Variants in RFX4 observed in about 807,000 individuals in gnomAD.
RFX4 encodes transcription factor RFX4.
In RFX4, 10 loss-of-function variants were observed where a neutral mutation model predicts 95.0. The observed-to-expected ratio is 0.11, with a 90% CI of 0.06 to 0.18. The LOEUF is 0.18. Among genes scored for constraint, RFX4 ranks in the 10% least tolerant of loss-of-function variants. The probability of loss-of-function intolerance (pLI) is 1.00; values close to 1 mark genes in which losing one functional copy is unlikely to be tolerated. For missense variants in RFX4, 640 were observed against 922.0 expected (o/e 0.69, Z 3.96); for synonymous variants, 321 against 340.7 (o/e 0.94, Z 0.64).
At chr12:106,616,011 T>A (rs544391216) in intron 2 of RFX4, among the ~76,000 whole-genome samples, 1 of 152,350 alleles carries the variant, frequency 6.6e-6, no homozygotes, top group East Asian at 1.9e-4. Flanking sequence ...GGTGATGTGG[T>A]GATAGTGGAC....
At chr12:106,627,276 G>A (rs1322048512) in intron 2 of RFX4, among the ~76,000 whole-genome samples, 1 of 152,174 alleles carries the variant, frequency 6.6e-6, no homozygotes, top group Non-Finnish European at 1.5e-5. Flanking sequence ...AGTGGCTCAT[G>A]CCTGTAATCC....
intron 2 of RFX4, among the ~76,000 whole-genome samples, chr12:106,620,719 G>C (rs1242436799): frequency 6.6e-6 from 1 of 151,992 alleles, no homozygotes; most frequent in Admixed American, 6.6e-5. Context: ...AATTTACCAG[G>C]GTGGAGTTTT....
intron 8 of RFX4, among the ~76,000 whole-genome samples, chr12:106,700,684 G>T (rs2041971802): frequency 6.6e-6 from 1 of 151,710 alleles, no homozygotes; most frequent in African/African-American, 2.4e-5. Context: ...GGGATTACAG[G>T]CGTGAGCCAC....
intron 1 of RFX4, among the ~76,000 whole-genome samples, chr12:106,595,414 T>C (rs1027738678): frequency 2.0e-5 from 3 of 152,216 alleles, no homozygotes; most frequent in African/African-American, 7.2e-5. Context: ...CTTTGGAGTG[T>C]ACTGTCGTGG....
At chr12:106,625,293 T>C (rs1316947900) in intron 2 of RFX4, among the ~76,000 whole-genome samples, 1 of 152,180 alleles carries the variant, frequency 6.6e-6, no homozygotes, top group Non-Finnish European at 1.5e-5. Flanking sequence ...AGAGATTCAG[T>C]AAGCGTGAGG....
At chr12:106,757,420 T>C (rs1289456396) in intron 17 of RFX4, among the ~76,000 whole-genome samples, 1 of 152,072 alleles carries the variant, frequency 6.6e-6, no homozygotes, top group East Asian at 1.9e-4. Flanking sequence ...TGGTGGCACA[T>C]ACCTGTAGTC....
intron 3 of RFX4, among the ~76,000 whole-genome samples, chr12:106,647,527 A>G (rs2040771215): frequency 6.6e-6 from 1 of 152,126 alleles, no homozygotes; most frequent in Non-Finnish European, 1.5e-5. Flanking sequence ...ATAAAATACC[A>G]GAATCCCTTG....
chr12:106,646,176 G>T (rs913105581), intron 3 of RFX4, among the ~76,000 whole-genome samples: 3 of 152,080 alleles, frequency 2.0e-5, no homozygotes, highest in African/African-American at 7.2e-5. Flanking sequence ...GTGTAAGGGG[G>T]CACATACGAA....
intron 3 of RFX4, among the ~76,000 whole-genome samples, chr12:106,644,388 C>T (rs2040700209): frequency 6.6e-6 from 1 of 151,994 alleles, no homozygotes; most frequent in Admixed American, 6.5e-5. Flanking sequence ...CGCGCACCGC[C>T]ACATCCAGCT....
At chr12:106,690,277 T>C (rs1429492241) in intron 7 of RFX4, among the ~76,000 whole-genome samples, 1 of 152,208 alleles carries the variant, frequency 6.6e-6, no homozygotes, top group Non-Finnish European at 1.5e-5. Flanking sequence ...CTGTTCTTCC[T>C]TCTCTTGACT....
rs752945150 is a variant in RFX4, at chr12:106,708,853, G to A, written c.834-477G>A. Among the ~76,000 whole-genome samples, 85 of 152,106 alleles carry A rather than the reference G, an allele frequency of 5.6e-4. 2 individuals are homozygous for A. Among genetic ancestry groups the A allele is most frequent in the Middle Eastern group, 3.2e-3 (1 of 316 alleles). ...ATATGGTTTCAAGGCCCATATCAGG[G>A]TTGTTTGCTAATTTAAAAATATGCT... On this transcript the variant is annotated intron_variant, in intron 8 of 17. Transcript: ENST00000392842.
intron 2 of RFX4, among the ~76,000 whole-genome samples, chr12:106,637,919 T>C (rs566634047): frequency 6.6e-6 from 1 of 152,250 alleles, no homozygotes; most frequent in Admixed American, 6.5e-5. Context: ...TTAATCCCAA[T>C]TAGAAGAACA....
At chr12:106,632,486 A>G (rs1015144161) in intron 2 of RFX4, among the ~76,000 whole-genome samples, 4 of 152,174 alleles carry the variant, frequency 2.6e-5, no homozygotes, top group Non-Finnish European at 5.9e-5. Flanking sequence ...GTCTCTATCA[A>G]CTATGGCTAT....
intron 1 of RFX4, among the ~76,000 whole-genome samples, chr12:106,606,001 G>A (rs939379243): frequency 2.0e-5 from 3 of 152,174 alleles, no homozygotes; most frequent in South Asian, 2.1e-4. Context: ...AGGTGCTGCC[G>A]TGAGGAAAGT....
chr12:106,740,684 T>A (rs1386694042), intron 15 of RFX4, among the ~76,000 whole-genome samples: 1 of 152,066 alleles, frequency 6.6e-6, no homozygotes, highest in Non-Finnish European at 1.5e-5. Context: ...TACATTCTAG[T>A]GGTAAGAGTC....
chr12:106,723,148 A>C (rs994803653), intron 13 of RFX4, among the ~76,000 whole-genome samples: 2 of 152,176 alleles, frequency 1.3e-5, no homozygotes, highest in African/African-American at 4.8e-5. Context: ...CTTCTCCTTA[A>C]TTCCTTTTCA....
intron 15 of RFX4, 53 bp from the exon 16 acceptor site, chr12:106,747,384 A>G: frequency 6.3e-7 from 1 of 1,586,646 alleles, no homozygotes; most frequent in Non-Finnish European, 8.6e-7. Context: ...GTAAGGAAGA[A>G]CAAGGGATAT....
At chr12:106,755,456 G>A (rs2043092352) in intron 17 of RFX4, among the ~76,000 whole-genome samples, 1 of 152,148 alleles carries the variant, frequency 6.6e-6, no homozygotes, top group African/African-American at 2.4e-5. Context: ...CCCAGGTCAT[G>A]CATCCAGTAA....
intron 16 of RFX4, among the ~76,000 whole-genome samples, chr12:106,747,804 G>A (rs759800011): frequency 4.0e-5 from 6 of 151,808 alleles, no homozygotes; most frequent in African/African-American, 9.7e-5. Flanking sequence ...GGCTTACACC[G>A]ATAATCCCTG....
Sources: gnomAD v4.1 joint callset for allele counts (sites outside exome capture counted in the v4.1 genomes callset) on GRCh38, gnomAD v4.1.1 for gene constraint, MANE v1.5 for transcripts, NCBI Gene and HGNC (gene_info 2026-07-23, HGNC 2026-07-21) for gene names.